The following ALK variants were observed in gnomAD, a reference collection of about 807,000 sequenced individuals.
ALK encodes the protein ALK tyrosine kinase receptor.
In ALK, 74 loss-of-function variants were observed where a neutral mutation model predicts 163.1. The ratio of observed to expected loss-of-function variants is 0.45; its 90% confidence interval spans 0.38 to 0.55. The LOEUF (loss-of-function observed/expected upper bound fraction) is 0.55, where lower values mean the gene tolerates loss of function less well. ALK is among the 20% of genes least tolerant of loss of function. ALK has a pLI of 0.00. For synonymous variants in ALK, 960 were observed against 843.2 expected (o/e 1.14, Z -2.40); for missense variants, 2,063 against 2,105.3 (o/e 0.98, Z 0.39).
In ALK at chr2:29,227,434, C is replaced by T; in HGVS notation, c.2914+140G>A. 2.5e-6 allele frequency: 2 copies of T among 808,722 alleles called. No homozygotes were observed. The highest frequency in any genetic ancestry group is 2.8e-5 in the South Asian group (2 of 72,458). The allele number at this position is 808,722 out of a possible 1,614,324, so 50.1% of individuals were successfully genotyped here. On this transcript the variant is annotated intron_variant, in intron 17 of 28. Coordinates refer to ENST00000389048, the MANE Select transcript of ALK (RefSeq NM_004304.5). This position sits in a 1 kb window ranked among gnomAD's most constrained non-coding sequence, Gnocchi z 4.4. ...CCTGACTTCTGGAAAATGTGGTGAC[C>T]TGCGCCATAGGAAGCTTGCCTGCCA... is the stretch of plus-strand genomic sequence containing the variant.
At chr2:29,338,206 A>C (rs1185792541) in intron 5 of ALK, among the ~76,000 whole-genome samples, 4 of 152,204 alleles carry the variant, frequency 2.6e-5, no homozygotes, top group East Asian at 1.9e-4. Context: ...TCCTTGCAGC[A>C]AAACAATAAC....
At chr2:29,372,566 G>C (rs2148294000) in intron 5 of ALK, among the ~76,000 whole-genome samples, 1 of 152,316 alleles carries the variant, frequency 6.6e-6, no homozygotes, top group African/African-American at 2.4e-5. Context: ...TGTCAGGTGA[G>C]GCACACAGTA....
intron 4 of ALK, among the ~76,000 whole-genome samples, chr2:29,444,048 TCTA>T (rs1481203265): frequency 6.6e-6 from 1 of 152,232 alleles, no homozygotes; most frequent in African/African-American, 2.4e-5. Flanking sequence ...TGGCATTGGT[TCTA>T]CTGTTTTCTC....
intron 12 of ALK, among the ~76,000 whole-genome samples, chr2:29,249,710 A>G (rs113107423): frequency 0.024 from 3,697 of 152,256 alleles, 54 homozygotes; most frequent in Admixed American, 0.031. Flanking sequence ...GTGGGTCCTT[A>G]GCAAGCATTC....
At position 29,728,336 on chromosome 2, in the gene ALK, A is replaced by T. The variant is rs139982252; in HGVS notation, c.668-10639T>A. 5.9e-3 allele frequency among the ~76,000 whole-genome samples: 906 copies of T among 152,330 alleles called. 4 individuals carry two copies. The highest frequency in any genetic ancestry group is 0.034 in the Middle Eastern group (10 of 294). ...TGGAGCCAAAAGGGGTGGAGCTAAGATTAATTCATTAATTCCATTCATACT... is the reference window on the plus strand; with the variant it reads ...TGGAGCCAAAAGGGGTGGAGCTAAGTTTAATTCATTAATTCCATTCATACT... On this transcript the variant is annotated intron_variant, in intron 1 of 28. Coordinates refer to ENST00000389048, the MANE Select transcript of ALK (RefSeq NM_004304.5).
chr2:29,905,335 C>T (rs1014076412), intron 1 of ALK, among the ~76,000 whole-genome samples: 2 of 152,186 alleles, frequency 1.3e-5, no homozygotes, highest in Non-Finnish European at 2.9e-5. Flanking sequence ...ATGTTTCTTG[C>T]CTAAATATTT....
chr2:29,757,623 T>C (rs931388553), intron 1 of ALK, among the ~76,000 whole-genome samples: 9 of 143,788 alleles, frequency 6.3e-5, no homozygotes, highest in African/African-American at 2.3e-4. Flanking sequence ...GTGTGTGTAA[T>C]CTGCCAATGC....
chr2:29,502,637 G>T (rs566380754), intron 4 of ALK, among the ~76,000 whole-genome samples: 1 of 152,104 alleles, frequency 6.6e-6, no homozygotes, highest in Non-Finnish European at 1.5e-5. Flanking sequence ...CACCGGCCTG[G>T]GTATCTGCCC....
intron 4 of ALK, among the ~76,000 whole-genome samples, chr2:29,458,847 C>A (rs1317668533): frequency 6.6e-6 from 1 of 152,148 alleles, no homozygotes; most frequent in Non-Finnish European, 1.5e-5. Context: ...CAGTCAGCAA[C>A]CTGCCCTTTT....
At chr2:29,429,686 A>C (rs192004792) in intron 4 of ALK, among the ~76,000 whole-genome samples, 91 of 152,194 alleles carry the variant, frequency 6.0e-4, no homozygotes, top group Admixed American at 2.9e-3. Flanking sequence ...TATAATCCCT[A>C]TCAGAATCCC....
rs369407512 is a variant in ALK, at chr2:29,302,008, T to G, written c.1648-4951A>C. On this transcript the variant is annotated intron_variant, in intron 8 of 28. Coordinates refer to ENST00000389048, the MANE Select transcript of ALK (RefSeq NM_004304.5). ...TCTTGAAGATGAGCTCCTGCCCTCA[T>G]GGAGCTTATCATCCAGCCAGGAAGA... is the stretch of plus-strand genomic sequence containing the variant. Among the ~76,000 whole-genome samples the G allele has an allele frequency of 2.6e-4, 39 of 152,336 alleles. No homozygotes were observed. In the East Asian group the frequency reaches 3.7e-3, roughly 14 times the overall value.
chr2:29,836,478 G>C (rs1665564490), intron 1 of ALK, among the ~76,000 whole-genome samples: 1 of 152,168 alleles, frequency 6.6e-6, no homozygotes, highest in African/African-American at 2.4e-5. Flanking sequence ...TCAGCAATAA[G>C]TGTTCACTCA....
intron 1 of ALK, among the ~76,000 whole-genome samples, chr2:29,799,454 G>A (rs573984452): frequency 1.3e-5 from 2 of 152,194 alleles, no homozygotes; most frequent in East Asian, 3.9e-4. Context: ...ATAGCTTGAG[G>A]CCCAGAGTTT....
intron 3 of ALK, among the ~76,000 whole-genome samples, chr2:29,617,706 G>A (rs1675891266): frequency 6.6e-6 from 1 of 152,100 alleles, no homozygotes; most frequent in African/African-American, 2.4e-5. Flanking sequence ...ACTTGTCCTT[G>A]CTGTATCGGG....
At chr2:29,733,494 C>G (rs761578772) in intron 1 of ALK, among the ~76,000 whole-genome samples, 49 of 152,192 alleles carry the variant, frequency 3.2e-4, no homozygotes, top group Non-Finnish European at 6.0e-4. Context: ...TGACCTCAGG[C>G]AAACTATTTA....
At chr2:29,508,138 G>A (rs1672389739) in intron 4 of ALK, among the ~76,000 whole-genome samples, 1 of 152,186 alleles carries the variant, frequency 6.6e-6, no homozygotes, top group Non-Finnish European at 1.5e-5. Context: ...TTTCTTGAGA[G>A]GCTTTTCCAC....
rs113171129 is a variant in ALK, at chr2:29,792,241, T to G, written c.668-74544A>C. ...TGTGTGGTGCTAACACAAAAACAGA[T>G]GGAACAGTGGAACAGTTGCAGAAGG... is the stretch of plus-strand genomic sequence containing the variant. On this transcript the variant is annotated intron_variant, in intron 1 of 28. Coordinates refer to ENST00000389048, the MANE Select transcript of ALK (RefSeq NM_004304.5). Among the ~76,000 whole-genome samples the G allele has an allele frequency of 9.7e-3, 1,476 of 152,316 alleles. 28 individuals are homozygous for G. Among genetic ancestry groups the G allele is most frequent in the African/African-American group, 0.033 (1,366 of 41,576 alleles).
chr2:29,778,934 T>A (rs1174009625), intron 1 of ALK, among the ~76,000 whole-genome samples: 1 of 151,902 alleles, frequency 6.6e-6, no homozygotes, highest in East Asian at 2.0e-4. Context: ...GGCAAGCAGA[T>A]CACGAGGTCA....
chr2:29,419,470 G>A (rs1448340950), intron 4 of ALK, among the ~76,000 whole-genome samples: 1 of 151,448 alleles, frequency 6.6e-6, no homozygotes, highest in Non-Finnish European at 1.5e-5. Context: ...GATGGGAGGT[G>A]AGGTCCTTCT....
Sources: gnomAD v4.1 joint callset for allele counts (sites outside exome capture counted in the v4.1 genomes callset) on GRCh38, gnomAD v4.1.1 for gene constraint, Gnocchi (gnomAD v3.1) non-coding constraint, MANE v1.5 for transcripts, NCBI Gene and HGNC (gene_info 2026-07-23, HGNC 2026-07-21) for gene names.